Variants in PDS5A observed in about 807,000 individuals in gnomAD.
The protein encoded by PDS5A is sister chromatid cohesion protein PDS5 homolog A.
A neutral mutation model predicts 167.1 loss-of-function variants in PDS5A; 42 were observed. The observed-to-expected ratio is 0.25, with a 90% CI of 0.20 to 0.33. The LOEUF is 0.33. Ranked by LOEUF, PDS5A falls within the 10% of genes least tolerant of loss-of-function variation. The pLI, the probability that PDS5A is intolerant of heterozygous loss-of-function variation, is 1.00. For missense variants in PDS5A, 1,033 were observed against 1,605.9 expected (o/e 0.64, Z 6.10); for synonymous variants, 553 against 554.6 (o/e 1.00, Z 0.04).
chr4:39,836,021 GT>G (rs2109478691), intron 32 of PDS5A, among the ~76,000 whole-genome samples: 1 of 152,300 alleles, frequency 6.6e-6, no homozygotes, highest in South Asian at 2.1e-4. Context: ...AACTGAAAAT[GT>G]ATGTTAAGGG....
intron 23 of PDS5A, among the ~76,000 whole-genome samples, chr4:39,865,011 A>G (rs557471746): frequency 6.6e-6 from 1 of 152,194 alleles, no homozygotes; most frequent in South Asian, 2.1e-4. Flanking sequence ...TAAAGAGTCA[A>G]GGATAACATT....
chr4:39,867,774 A>ACACCCCCC (rs369419469), intron 22 of PDS5A, among the ~76,000 whole-genome samples: 13 of 108,594 alleles, frequency 1.2e-4, no homozygotes, highest in Admixed American at 6.4e-4. Context: ...ACACACACAC[A>ACACCCCCC]CCCCACAACT....
intron 26 of PDS5A, among the ~76,000 whole-genome samples, chr4:39,850,722 T>C (rs59996887): frequency 0.013 from 1,969 of 152,330 alleles, 43 homozygotes; most frequent in African/African-American, 0.044. Flanking sequence ...CTTTTGCTAT[T>C]CCACACTTGT....
At chr4:39,926,709 TTAACA>T in intron 4 of PDS5A, 61 bp downstream of exon 4, 1 of 1,102,756 alleles carries the variant, frequency 9.1e-7, no homozygotes, top group South Asian at 1.8e-5. Flanking sequence ...CATTACAAAG[TTAACA>T]TGAAGAATTT....
intron 23 of PDS5A, among the ~76,000 whole-genome samples, chr4:39,864,466 G>T (rs1241582582): frequency 6.6e-6 from 1 of 152,132 alleles, no homozygotes; most frequent in Non-Finnish European, 1.5e-5. Flanking sequence ...TTACTTACGT[G>T]GTAAAATGTG....
chr4:39,842,120 T>C lies in PDS5A; in HGVS notation c.3549-64A>G, dbSNP rs1717087784. The C allele has an allele frequency of 4.8e-6, 5 of 1,031,750 alleles. No individual in the cohort carries two copies. In the Admixed American group the frequency reaches 7.7e-5, roughly 16 times the overall value. 63.9% of individuals were successfully genotyped at this position (1,031,750 alleles called of 1,614,324 possible). A position where few individuals can be genotyped will look rare whatever the true frequency, so the allele number is the denominator to read the frequency against. The stretch of plus-strand genomic sequence containing the variant: ...GAAGAGAAAGTTCACTCTCTCACCG[T>C]ACCAATAAAGAAAGGCTTAGGCTGG... On this transcript the variant is annotated intron_variant, in intron 30 of 32. Transcript: ENST00000303538.
chr4:39,965,294 C>G (rs1729873824), intron 2 of PDS5A, among the ~76,000 whole-genome samples: 1 of 152,232 alleles, frequency 6.6e-6, no homozygotes, highest in East Asian at 1.9e-4. Context: ...CTGGGTCCAG[C>G]CTTTCAGCTG....
At chr4:39,883,444 G>C (rs1721137953) in intron 17 of PDS5A, among the ~76,000 whole-genome samples, 5 of 152,208 alleles carry the variant, frequency 3.3e-5, no homozygotes, top group Admixed American at 3.3e-4. Context: ...GCCTCCCAAA[G>C]TGTTGGGATT....
chr4:39,888,932 T>C (rs1192044582), intron 17 of PDS5A, among the ~76,000 whole-genome samples: 1 of 152,206 alleles, frequency 6.6e-6, no homozygotes, highest in Non-Finnish European at 1.5e-5. Context: ...TAAGGTGATG[T>C]ATATCACCAA....
chr4:39,968,876 AG>A (rs1226137177), intron 2 of PDS5A, among the ~76,000 whole-genome samples: 3 of 151,442 alleles, frequency 2.0e-5, no homozygotes, highest in Admixed American at 6.6e-5. Flanking sequence ...CCCAGGTTCA[AG>A]GGATTCTACT....
At chr4:39,886,893 A>G (rs1051093970) in intron 17 of PDS5A, among the ~76,000 whole-genome samples, 1 of 151,908 alleles carries the variant, frequency 6.6e-6, no homozygotes. Context: ...GCTATTATAA[A>G]TAAGATTGCT....
At chr4:39,890,493 C>G in intron 16 of PDS5A, 129 bp from the exon 17 acceptor site, 1 of 554,670 alleles carries the variant, frequency 1.8e-6, no homozygotes, top group South Asian at 2.8e-5. Flanking sequence ...TAGACCCTGA[C>G]TAAAATTTTT....
At chr4:39,856,644 T>A (rs1288298724) in intron 26 of PDS5A, among the ~76,000 whole-genome samples, 1 of 151,838 alleles carries the variant, frequency 6.6e-6, no homozygotes, top group Non-Finnish European at 1.5e-5. Context: ...GGTGAAACCT[T>A]GTCTCTACTA....
In PDS5A at chr4:39,867,769, CACA is replaced by C. The variant is rs778585270; in HGVS notation, c.2506-775_2506-773del. ...ACACACACACACACACACACACACACACACACCCCACAACTGTACTGATTGTGG... is the reference window on the plus strand; with the variant it reads ...ACACACACACACACACACACACACACCACCCCACAACTGTACTGATTGTGG... On this transcript the variant is annotated intron_variant, in intron 22 of 32. Transcript: ENST00000303538. Among the ~76,000 whole-genome samples the C allele has an allele frequency of 5.5e-4, 72 of 131,358 alleles. No individual in the cohort carries two copies. The South Asian group carries it at 1.0e-2, about 18-fold the overall frequency. 86.2% of individuals were successfully genotyped at this position (131,358 alleles called of 152,430 possible).
At chr4:39,969,193 TAGC>T (rs1451055413) in intron 2 of PDS5A, among the ~76,000 whole-genome samples, 1 of 152,232 alleles carries the variant, frequency 6.6e-6, no homozygotes, top group Non-Finnish European at 1.5e-5. Context: ...ATTATCTAAG[TAGC>T]AGAAGTTAAT....
intron 27 of PDS5A, 78 bp downstream of exon 27, chr4:39,849,438 CAAAA>C (rs33909953): frequency 9.4e-4 from 453 of 481,428 alleles, no homozygotes; most frequent in South Asian, 1.6e-3. Context: ...TACGTATGGC[CAAAA>C]AAAAAAAAAA....
chr4:39,843,460 G>A (rs1578589061), intron 30 of PDS5A, among the ~76,000 whole-genome samples: 1 of 152,156 alleles, frequency 6.6e-6, no homozygotes, highest in Admixed American at 6.6e-5. Context: ...TGGGCCAGGC[G>A]TGATGGTTCA....
At chr4:39,946,032 C>T (rs1400296571) in intron 2 of PDS5A, among the ~76,000 whole-genome samples, 2 of 151,446 alleles carry the variant, frequency 1.3e-5, no homozygotes, top group African/African-American at 2.4e-5. Flanking sequence ...CAAGGCGAAA[C>T]CTCGTCTCTA....
At chr4:39,918,681 C>A (rs977779535) in intron 7 of PDS5A, among the ~76,000 whole-genome samples, 8 of 152,182 alleles carry the variant, frequency 5.3e-5, no homozygotes, top group African/African-American at 1.7e-4. Flanking sequence ...TGGTGAAACT[C>A]CATCTCTACT....
Sources: gnomAD v4.1 joint callset for allele counts (sites outside exome capture counted in the v4.1 genomes callset) on GRCh38, gnomAD v4.1.1 for gene constraint, MANE v1.5 for transcripts, NCBI Gene and HGNC (gene_info 2026-07-23, HGNC 2026-07-21) for gene names.